Variants in PDE4B observed in about 807,000 individuals in gnomAD.
PDE4B encodes phosphodiesterase 4B.
In PDE4B, 20 loss-of-function variants were observed where a neutral mutation model predicts 82.2. The ratio of observed to expected loss-of-function variants is 0.24; its 90% confidence interval spans 0.17 to 0.35. The LOEUF is 0.35. Among genes scored for constraint, PDE4B ranks in the 10% least tolerant of loss-of-function variants. The probability of loss-of-function intolerance (pLI) is 1.00; values close to 1 mark genes in which losing one functional copy is unlikely to be tolerated. For missense variants in PDE4B, 655 were observed against 907.2 expected (o/e 0.72, Z 3.57); for synonymous variants, 320 against 318.9 (o/e 1.00, Z -0.04).
At chr1:65,827,966 T>C (rs889010837) in intron 1 of PDE4B, among the ~76,000 whole-genome samples, 1 of 152,108 alleles carries the variant, frequency 6.6e-6, no homozygotes, top group African/African-American at 2.4e-5. Flanking sequence ...TCAGAAAACA[T>C]GCAAGCCAGA....
chr1:65,813,280 G>A (rs1645840520), intron 1 of PDE4B, among the ~76,000 whole-genome samples: 1 of 152,116 alleles, frequency 6.6e-6, no homozygotes, highest in South Asian at 2.1e-4. Context: ...AGAGGTATAC[G>A]GAGGGAGAAA....
At chr1:65,921,225 C>T (rs1442622173) in intron 3 of PDE4B, among the ~76,000 whole-genome samples, 1 of 151,982 alleles carries the variant, frequency 6.6e-6, no homozygotes, top group African/African-American at 2.4e-5. Flanking sequence ...GCCTCGGCCT[C>T]CCAAAGTGCT....
At chr1:66,205,556 T>C (rs765725292) in intron 3 of PDE4B, among the ~76,000 whole-genome samples, 3 of 152,252 alleles carry the variant, frequency 2.0e-5, no homozygotes, top group Non-Finnish European at 4.4e-5. Flanking sequence ...CAATAGGTAG[T>C]ATGTAGCAAG....
chr1:66,344,561 T>A (rs992074116), intron 8 of PDE4B, among the ~76,000 whole-genome samples: 8 of 152,238 alleles, frequency 5.3e-5, no homozygotes, highest in Admixed American at 4.6e-4. Flanking sequence ...CACATACTGC[T>A]TTTCAAGACT....
intron 3 of PDE4B, among the ~76,000 whole-genome samples, chr1:66,130,274 C>G (rs555227201): frequency 6.6e-6 from 1 of 152,332 alleles, no homozygotes; most frequent in South Asian, 2.1e-4. Context: ...TCATGACAGA[C>G]AGTAGCGTAC....
intron 4 of PDE4B, among the ~76,000 whole-genome samples, chr1:66,252,176 G>A (rs1653837887): frequency 6.6e-6 from 1 of 152,194 alleles, no homozygotes; most frequent in Non-Finnish European, 1.5e-5. Flanking sequence ...GAGAAGATAG[G>A]TGGTTGCACT....
chr1:66,043,767 T>C (rs1323392042), intron 3 of PDE4B, among the ~76,000 whole-genome samples: 1 of 151,662 alleles, frequency 6.6e-6, no homozygotes, highest in Non-Finnish European at 1.5e-5. Flanking sequence ...CAGCAAAGGG[T>C]CCAGAGAGAA....
At chr1:66,074,373 A>T (rs1216773896) in intron 3 of PDE4B, among the ~76,000 whole-genome samples, 1 of 152,136 alleles carries the variant, frequency 6.6e-6, no homozygotes, top group African/African-American at 2.4e-5. Flanking sequence ...TTTATTTAAG[A>T]AAAGCTTACT....
chr1:65,886,846 G>C (rs924891356), intron 1 of PDE4B, among the ~76,000 whole-genome samples: 6 of 152,134 alleles, frequency 3.9e-5, no homozygotes, highest in African/African-American at 1.4e-4. Flanking sequence ...TGTAAGTGCA[G>C]CATCCCTTTT....
At chr1:65,849,425 G>C (rs1417590467) in intron 1 of PDE4B, among the ~76,000 whole-genome samples, 1 of 152,168 alleles carries the variant, frequency 6.6e-6, no homozygotes, top group South Asian at 2.1e-4. Flanking sequence ...AGAACAGGGA[G>C]GTGCCAGGCT....
intron 7 of PDE4B, among the ~76,000 whole-genome samples, chr1:66,325,662 T>C (rs909839419): frequency 2.0e-5 from 3 of 152,166 alleles, no homozygotes; most frequent in Admixed American, 6.5e-5. Context: ...AGTCCTACAG[T>C]GGGAAGGACG....
chr1:65,931,893 C>G lies in PDE4B; in HGVS notation c.281+13058C>G, dbSNP rs747507846. Among the ~76,000 whole-genome samples the G allele has an allele frequency of 1.2e-4, 18 of 152,186 alleles. No individual in the cohort carries two copies. In the East Asian group the frequency reaches 1.5e-3, roughly 13 times the overall value. On this transcript the variant is annotated intron_variant, in intron 3 of 16. Transcript: ENST00000341517. ...GGCCTTTCTCTTTCCAGTCTTGGAG[C>G]AGTAATGGAACCCAGCATAATCTAG...
chr1:65,799,429 A>G (rs1333254293), intron 1 of PDE4B, among the ~76,000 whole-genome samples: 1 of 151,234 alleles, frequency 6.6e-6, no homozygotes, highest in African/African-American at 2.5e-5. Context: ...TTGGGAGGAC[A>G]TGATTTTTTT....
intron 9 of PDE4B, among the ~76,000 whole-genome samples, chr1:66,361,322 G>A (rs1662751411): frequency 6.6e-6 from 1 of 152,092 alleles, no homozygotes. Flanking sequence ...ACTGAAAACA[G>A]AAGATTTGGT....
At chr1:66,257,720 C>T (rs768125555) in intron 5 of PDE4B, 37 bp downstream of exon 5, 23 of 1,610,334 alleles carry the variant, frequency 1.4e-5, no homozygotes, top group African/African-American at 1.3e-5. Flanking sequence ...CTTTCACTGT[C>T]GCTGGTTTCT....
chr1:66,312,626 A>T (rs1051123167), intron 7 of PDE4B, among the ~76,000 whole-genome samples: 3 of 152,236 alleles, frequency 2.0e-5, no homozygotes, highest in Non-Finnish European at 4.4e-5. Context: ...ACCTTTTGCC[A>T]TAGAACAGCA....
intron 1 of PDE4B, among the ~76,000 whole-genome samples, chr1:65,875,187 A>AG (rs1646625074): frequency 6.6e-6 from 1 of 152,056 alleles, no homozygotes; most frequent in African/African-American, 2.4e-5. Flanking sequence ...GCAGCCAAAA[A>AG]ACACATGAAA....
chr1:66,321,042 A>G (rs1286550583), intron 7 of PDE4B, among the ~76,000 whole-genome samples: 2 of 152,134 alleles, frequency 1.3e-5, no homozygotes, highest in African/African-American at 4.8e-5. Flanking sequence ...AAACCATCCA[A>G]CTAGTTCTCC....
chr1:66,060,012 T>C (rs1655502650), intron 3 of PDE4B, among the ~76,000 whole-genome samples: 1 of 152,210 alleles, frequency 6.6e-6, no homozygotes, highest in Non-Finnish European at 1.5e-5. Flanking sequence ...AAACAGTTTT[T>C]AAGTAAGTCA....
Sources: gnomAD v4.1 joint callset for allele counts (sites outside exome capture counted in the v4.1 genomes callset) on GRCh38, gnomAD v4.1.1 for gene constraint, MANE v1.5 for transcripts, NCBI Gene and HGNC (gene_info 2026-07-23, HGNC 2026-07-21) for gene names.